TTC28: variants seen among roughly 807,000 people sequenced by gnomAD.
TTC28 encodes the protein tetratricopeptide repeat protein 28.
Under a neutral mutation model 198.0 loss-of-function variants are expected in TTC28, and 61 were observed. The ratio of observed to expected loss-of-function variants is 0.31; its 90% CI spans 0.25 to 0.38. The LOEUF (loss-of-function observed/expected upper bound fraction) is 0.38, where lower values mean the gene tolerates loss of function less well. Ranked by LOEUF, TTC28 falls within the 10% of genes least tolerant of loss-of-function variation. The pLI is 1.00. For synonymous variants in TTC28, 1,171 were observed against 1,297.8 expected (o/e 0.90, Z 2.10); for missense variants, 2,678 against 3,164.0 (o/e 0.85, Z 3.69).
chr22:28,588,741 C>T (rs938762010), intron 2 of TTC28, among the ~76,000 whole-genome samples: 1 of 152,214 alleles, frequency 6.6e-6, no homozygotes, highest in Non-Finnish European at 1.5e-5. Flanking sequence ...GTCTGTCTAG[C>T]CTCCATGTCC....
At chr22:28,247,533 A>G (rs1930195602) in intron 5 of TTC28, among the ~76,000 whole-genome samples, 1 of 152,206 alleles carries the variant, frequency 6.6e-6, no homozygotes, top group African/African-American at 2.4e-5. Context: ...AGATGGAAAC[A>G]GATTGCTTCA....
At chr22:28,081,986 T>C (rs9625398) in intron 12 of TTC28, among the ~76,000 whole-genome samples, 10,190 of 152,288 alleles carry the variant, frequency 0.067, 399 homozygotes, top group South Asian at 0.089. Context: ...GTTAAGTTTA[T>C]TCCTGAGTAT....
At chr22:28,201,188 C>G (rs1925907994) in intron 5 of TTC28, among the ~76,000 whole-genome samples, 1 of 152,012 alleles carries the variant, frequency 6.6e-6, no homozygotes, top group Admixed American at 6.6e-5. Context: ...AAAATTCATT[C>G]ATTCATTCAT....
In TTC28 at chr22:28,515,965, C is replaced by T. The variant is rs1380789668; in HGVS notation, c.381+113587G>A. Among the ~76,000 whole-genome samples the T allele has an allele frequency of 5.3e-5, 8 of 151,854 alleles. No homozygotes were observed. The South Asian group carries it at 1.0e-3, about 20-fold the overall frequency. On this transcript the variant is annotated intron_variant, in intron 2 of 22. Transcript: ENST00000397906. Reference sequence around the variant, plus strand: ...TTCAAGACCAGCCTGGCCAACATGGCGAAACACCGTCTCTACTAAAAAATA... The same window carrying T: ...TTCAAGACCAGCCTGGCCAACATGGTGAAACACCGTCTCTACTAAAAAATA...
At chr22:28,455,622 G>A (rs562142933) in intron 2 of TTC28, among the ~76,000 whole-genome samples, 1 of 151,782 alleles carries the variant, frequency 6.6e-6, no homozygotes, top group Non-Finnish European at 1.5e-5. Context: ...GCTGAGGCAG[G>A]AGAATCACTT....
At chr22:28,078,444 G>A (rs989879577) in intron 12 of TTC28, among the ~76,000 whole-genome samples, 3 of 151,936 alleles carry the variant, frequency 2.0e-5, no homozygotes, top group Non-Finnish European at 4.4e-5. Context: ...TCAGAAAGAA[G>A]GACACAGCAT....
chr22:28,576,648 G>A (rs1334923244), intron 2 of TTC28, among the ~76,000 whole-genome samples: 4 of 152,046 alleles, frequency 2.6e-5, no homozygotes, highest in African/African-American at 9.7e-5. Flanking sequence ...TTTTATTACA[G>A]CTTCAATCTT....
At chr22:28,206,887 G>C (rs1001579315) in intron 5 of TTC28, among the ~76,000 whole-genome samples, 4 of 152,116 alleles carry the variant, frequency 2.6e-5, no homozygotes, top group African/African-American at 9.7e-5. Context: ...ACAGATAATG[G>C]GGAGAAGTCC....
chr22:28,408,825 A>C (rs566726658), intron 2 of TTC28, among the ~76,000 whole-genome samples: 63 of 152,352 alleles, frequency 4.1e-4, no homozygotes, highest in Middle Eastern at 3.4e-3. Flanking sequence ...GAACTACCAC[A>C]TCTGAAAGAG....
Position 28,018,306 on chromosome 22 carries a change from CGGGGGGGGGGGCGG to C in TTC28, c.4074-3928_4074-3915del, listed in dbSNP as rs1938459485. ...GTGTGTGCGCGCGTGTGTGCGCGCG[CGGGGGGGGGGGCGG>C]GGAACCTGTCCCTAGAGAGATCCTT... On this transcript the variant is annotated intron_variant, in intron 13 of 22. Coordinates refer to ENST00000397906, the MANE Select transcript of TTC28 (RefSeq NM_001145418.2). Among the ~76,000 whole-genome samples, 6 of 49,254 alleles carry C rather than the reference CGGGGGGGGGGGCGG, an allele frequency of 1.2e-4. No homozygotes were observed. In the South Asian group the frequency reaches 4.1e-3, roughly 33 times the overall value. 32.3% of individuals were successfully genotyped at this position (49,254 alleles called of 152,430 possible).
intron 5 of TTC28, among the ~76,000 whole-genome samples, chr22:28,209,761 T>G (rs1043887102): frequency 1.3e-4 from 20 of 152,118 alleles, no homozygotes; most frequent in Admixed American, 2.0e-4. Flanking sequence ...GACTTAAACT[T>G]CCCTGTCTGA....
chr22:28,394,519 T>C (rs1392231545), intron 2 of TTC28, among the ~76,000 whole-genome samples: 2 of 152,150 alleles, frequency 1.3e-5, no homozygotes, highest in Admixed American at 6.6e-5. Flanking sequence ...CACACCAAAA[T>C]CACTACTTAA....
At chr22:28,428,185 G>A (rs911571829) in intron 2 of TTC28, among the ~76,000 whole-genome samples, 1 of 150,030 alleles carries the variant, frequency 6.7e-6, no homozygotes, top group African/African-American at 2.4e-5. Context: ...AAAACTAATC[G>A]GAGGTGAGTA....
At chr22:28,447,467 C>T (rs781616298) in intron 2 of TTC28, among the ~76,000 whole-genome samples, 1 of 152,200 alleles carries the variant, frequency 6.6e-6, no homozygotes, top group Non-Finnish European at 1.5e-5. Context: ...GCCTATAGGG[C>T]TAAATTCCAT....
At chr22:28,475,236 C>T (rs575374007) in intron 2 of TTC28, among the ~76,000 whole-genome samples, 1 of 151,666 alleles carries the variant, frequency 6.6e-6, no homozygotes, top group South Asian at 2.1e-4. Flanking sequence ...GCTGTTTATT[C>T]CAGTTCAGGG....
chr22:28,014,717 C>T (rs918794431), intron 13 of TTC28, among the ~76,000 whole-genome samples: 3 of 152,130 alleles, frequency 2.0e-5, no homozygotes, highest in African/African-American at 4.8e-5. Flanking sequence ...TGCAGGCAAA[C>T]GTGAGGACCA....
chr22:28,171,600 G>T (rs1402039353), intron 5 of TTC28, among the ~76,000 whole-genome samples: 2 of 146,074 alleles, frequency 1.4e-5, no homozygotes, highest in Admixed American at 6.9e-5. Context: ...TTTTTAAACG[G>T]TGCTTGCAAA....
intron 2 of TTC28, among the ~76,000 whole-genome samples, chr22:28,307,218 C>T (rs920255326): frequency 1.3e-5 from 2 of 151,704 alleles, no homozygotes; most frequent in Non-Finnish European, 2.9e-5. Flanking sequence ...TGCTTAGAAA[C>T]CAAAAAAGGT....
intron 5 of TTC28, among the ~76,000 whole-genome samples, chr22:28,242,553 C>T (rs1459298012): frequency 3.3e-5 from 5 of 151,994 alleles, no homozygotes; most frequent in Admixed American, 6.6e-5. Context: ...TGTAAATGGA[C>T]GTGGTTTATG....
Sources: allele counts gnomAD v4.1 joint callset (sites outside exome capture counted in the v4.1 genomes callset), GRCh38; gene constraint gnomAD v4.1.1; transcripts MANE v1.5; gene names NCBI Gene and HGNC (gene_info 2026-07-23, HGNC 2026-07-21).